The following BCL9 variants were observed in gnomAD, a reference collection of about 807,000 sequenced individuals.
BCL9 encodes the protein B-cell CLL/lymphoma 9 protein.
Under a neutral mutation model 88.5 loss-of-function variants are expected in BCL9, and 25 were observed. That is an observed-to-expected ratio of 0.28 (90% confidence interval 0.21 to 0.39). The LOEUF (loss-of-function observed/expected upper bound fraction) is 0.39. Among genes scored for constraint, BCL9 ranks in the 10% least tolerant of loss-of-function variants. The pLI is 1.00. For missense variants in BCL9, 1,817 were observed against 1,877.8 expected, an observed-to-expected ratio of 0.97 and a Z score of 0.60; for synonymous variants, 711 against 673.3, an observed-to-expected ratio of 1.06 and a Z score of -0.87.
chr1:147,603,057 G>T (rs930383764), intron 1 of BCL9, among the ~76,000 whole-genome samples: 12 of 152,204 alleles, frequency 7.9e-5, no homozygotes, highest in African/African-American at 2.9e-4. Flanking sequence ...ACTGCAAAGT[G>T]CTCTGAACAT....
intron 1 of BCL9, among the ~76,000 whole-genome samples, chr1:147,580,814 C>A (rs1656331195): frequency 6.6e-6 from 1 of 152,170 alleles, no homozygotes; most frequent in African/African-American, 2.4e-5. Context: ...CTCTAATAGC[C>A]ACCATAATTG....
At chr1:147,555,343 A>T (rs1220505296) in intron 1 of BCL9, among the ~76,000 whole-genome samples, 2 of 152,070 alleles carry the variant, frequency 1.3e-5, no homozygotes, top group Non-Finnish European at 2.9e-5. Flanking sequence ...ATACTTTGGC[A>T]CCCAACTCAG....
At chr1:147,551,957 T>TTGTA (rs1301499632) in intron 1 of BCL9, among the ~76,000 whole-genome samples, 1 of 152,198 alleles carries the variant, frequency 6.6e-6, no homozygotes, top group African/African-American at 2.4e-5. Flanking sequence ...TAAATATCTG[T>TTGTA]TGTATGTCAG....
In BCL9 at chr1:147,624,628, G is replaced by C; in HGVS notation, c.3950G>C (p.Arg1317Thr). The C allele has an allele frequency of 6.2e-7, 1 of 1,614,146 alleles. No individual in the cohort carries two copies. The highest frequency in any genetic ancestry group is 2.2e-5 in the East Asian group (1 of 44,870). Residue 1317 changes from arginine (R) to threonine (T), a missense_variant, in exon 10 of 10, where the codon AGA becomes ACA. Transcript: ENST00000234739. This position sits in a 1 kb window ranked among gnomAD's most constrained non-coding sequence, Gnocchi z 4.4. The part of the protein sequence containing the change: ...APSMPGHNPM[R>T]PPAFLQQGMM... ...TCCATGCCAGGCCACAACCCCATGA[G>C]ACCACCAGCCTTTCTCCAACAAGGC...
rs1285246839 is a variant in BCL9 at position 147,612,943 on chromosome 1, A to C, written c.114A>C (p.Gly38=). 6.2e-7 allele frequency: 1 copy of C among 1,613,766 alleles called. No individual in the cohort carries two copies. Among genetic ancestry groups the C allele is most frequent in the African/African-American group, 1.3e-5 (1 of 74,894 alleles). The change falls in exon 5 of 10, where the codon GGA becomes GGC. Residue 38 remains glycine, a synonymous_variant. Transcript: ENST00000234739. Reference sequence around the variant, plus strand: ...CCCCTACAGTGATGTCCCCATCTGGAAACCCCCAGCTGGATTCCAAATTCT... The same window carrying C: ...CCCCTACAGTGATGTCCCCATCTGGCAACCCCCAGCTGGATTCCAAATTCT... ...VRPPTVMSPS[G]NPQLDSKFSN...
At position 147,618,912 on chromosome 1, in the gene BCL9, A is replaced by G; in HGVS notation, c.757A>G (p.Arg253Gly). 6.2e-7 allele frequency: 1 copy of G among 1,613,812 alleles called. No individual in the cohort carries two copies. Among genetic ancestry groups the G allele is most frequent in the Non-Finnish European group, 8.5e-7 (1 of 1,179,812 alleles). ...NQDQNSSQNT[R>G]LQPTPPIPAP... is the part of the protein sequence containing the mutation. ...GGACCAGAATTCTTCCCAGAATACC[A>G]GACTGCAGCCAACTCCACCCATTCC... Residue 253 changes from arginine (R) to glycine (G), a missense_variant, in exon 8 of 10, where the codon AGA becomes GGA. Physicochemically the swap from Arg to Gly is moderately radical, Grantham distance 125. Around this residue, in one of 2 missense-constraint regions of BCL9, gnomAD observed 1,228 missense variants for 1,191.6 expected, o/e 1.03. Transcript: ENST00000234739.
chr1:147,561,842 A>T (rs779483987), intron 1 of BCL9, among the ~76,000 whole-genome samples: 1 of 152,214 alleles, frequency 6.6e-6, no homozygotes, highest in Non-Finnish European at 1.5e-5. Flanking sequence ...TGTCATGGAG[A>T]TGGTATCATT....
At chr1:147,613,475 T>C in intron 5 of BCL9, among the ~76,000 whole-genome samples, 1 of 152,228 alleles carries the variant, frequency 6.6e-6, no homozygotes, top group Non-Finnish European at 1.5e-5. Context: ...TCCCTGTTCG[T>C]ACACGTTTCT....
intron 7 of BCL9, among the ~76,000 whole-genome samples, chr1:147,617,363 TATATG>T (rs1658336853): frequency 6.6e-6 from 1 of 152,214 alleles, no homozygotes; most frequent in African/African-American, 2.4e-5. Flanking sequence ...ATGGTTTCGT[TATATG>T]AAATCAGTAT....
chr1:147,599,699 GGGGCGGGCCCTGGC>G (rs1657250290), intron 1 of BCL9, among the ~76,000 whole-genome samples: 1 of 152,176 alleles, frequency 6.6e-6, no homozygotes, highest in South Asian at 2.1e-4. Flanking sequence ...GTGACGGTCC[GGGGCGGGCCCTGGC>G]GGGCGTGCCT....
At chr1:147,559,696 T>C (rs901855053) in intron 1 of BCL9, among the ~76,000 whole-genome samples, 3 of 152,216 alleles carry the variant, frequency 2.0e-5, no homozygotes, top group Non-Finnish European at 2.9e-5. Flanking sequence ...CCAAATGTTA[T>C]AATAGAAATG....
intron 9 of BCL9, among the ~76,000 whole-genome samples, chr1:147,622,859 T>A (rs1163527271): frequency 6.6e-6 from 1 of 152,164 alleles, no homozygotes; most frequent in East Asian, 1.9e-4. Context: ...TCTAACAGGC[T>A]GATTGGAATG....
intron 1 of BCL9, among the ~76,000 whole-genome samples, chr1:147,587,450 C>CT (rs1433990721): frequency 1.3e-5 from 2 of 152,140 alleles, no homozygotes; most frequent in Admixed American, 6.5e-5. Context: ...CTCTTCCTGT[C>CT]TTTTTTGTAC....
chr1:147,589,039 TATTAGC>T (rs1656733027), intron 1 of BCL9, among the ~76,000 whole-genome samples: 1 of 152,210 alleles, frequency 6.6e-6, no homozygotes, highest in Non-Finnish European at 1.5e-5. Context: ...TGAATTTTAA[TATTAGC>T]TGGACATGTT....
Position 147,625,592 on chromosome 1 carries a change from A to C in BCL9, c.*633A>C. 2 of 82,552 alleles carry C rather than the reference A, an allele frequency of 2.4e-5. No homozygotes were observed. The highest frequency in any genetic ancestry group is 2.0e-4 in the Admixed American group (1 of 4,962). The allele number at this position is 82,552 out of a possible 1,614,324, so 5.1% of individuals were successfully genotyped here. ...ACTAAGTTCAGCGAGGGGTGGGGGG[A>C]GGGGGGAGATTTTTCTTTTGAAAAA... On this transcript the variant is annotated 3_prime_UTR_variant, in exon 10 of 10. Coordinates refer to ENST00000234739, the MANE Select transcript of BCL9 (RefSeq NM_004326.4).
Position 147,620,876 on chromosome 1 carries a change from C to T in BCL9, c.2721C>T (p.Ser907=). ...CAGCTGCTGCTGCTTCCATTAAGTC[C>T]CCCCCTGTTTTGGGGTCTGCTGCTG... ...AGPAAAASIK[S]PPVLGSAAAS... The change falls in exon 8 of 10, where the codon TCC becomes TCT. Residue 907 remains serine (S), a synonymous_variant. Transcript: ENST00000234739. The T allele has an allele frequency of 6.2e-7, 1 of 1,614,152 alleles. No individual in the cohort carries two copies. Among genetic ancestry groups the T allele is most frequent in the African/African-American group, 1.3e-5 (1 of 75,036 alleles).
At chr1:147,613,847 T>G (rs1658134410) in intron 5 of BCL9, among the ~76,000 whole-genome samples, 1 of 152,218 alleles carries the variant, frequency 6.6e-6, no homozygotes, top group Non-Finnish European at 1.5e-5. Flanking sequence ...AAGTCTTAAC[T>G]GTAGGCCAGA....
chr1:147,620,347 A>G lies in BCL9; in HGVS notation c.2192A>G (p.Gln731Arg). The part of the protein sequence containing the change: ...NLNVNMGSNS[Q>R]MIPQKMREAG... ...AATGTCAACATGGGATCCAACTCTCAGATGATACCTCAGAAGATGAGAGAG... is the reference window on the plus strand; with the variant it reads ...AATGTCAACATGGGATCCAACTCTCGGATGATACCTCAGAAGATGAGAGAG... The change falls in exon 8 of 10, where the codon CAG becomes CGG. Residue 731 changes from glutamine (Q) to arginine (R), a missense_variant. Around this residue, in one of 2 missense-constraint regions of BCL9, gnomAD observed 1,228 missense variants for 1,191.6 expected, o/e 1.03. Transcript: ENST00000234739. 6.2e-7 allele frequency: 1 copy of G among 1,614,052 alleles called. No homozygotes were observed. The highest frequency in any genetic ancestry group is 8.5e-7 in the Non-Finnish European group (1 of 1,179,860).
At position 147,543,425 on chromosome 1, in the gene BCL9, G is replaced by A. The variant is rs587657767; in HGVS notation, c.-478+1751G>A. 2.0e-5 allele frequency among the ~76,000 whole-genome samples: 3 copies of A among 152,342 alleles called. No homozygotes were observed. In the East Asian group the frequency reaches 5.8e-4, roughly 29 times the overall value. On this transcript the variant is annotated intron_variant, in intron 1 of 9. Transcript: ENST00000234739. The stretch of plus-strand genomic sequence containing the variant: ...CAGCCCTGGCTGAGAATATTTATGT[G>A]CTTTTCACAGAGGCCTGGAAACCTG...
Sources: allele counts gnomAD v4.1 joint callset (sites outside exome capture counted in the v4.1 genomes callset), GRCh38; gene constraint gnomAD v4.1.1; regional missense constraint gnomAD v4.1.1; non-coding constraint Gnocchi (gnomAD v3.1); transcripts MANE v1.5; gene names NCBI Gene and HGNC (gene_info 2026-07-23, HGNC 2026-07-21).